BACH2: variants seen among roughly 807,000 people sequenced by gnomAD.
The protein encoded by BACH2 is BACH transcriptional regulator 2.
BACH2 carries 5 observed loss-of-function variants against 61.8 expected under a neutral mutation model. That is an observed-to-expected ratio of 0.08 (90% CI 0.04 to 0.17). BACH2 has a LOEUF of 0.17. Ranked by LOEUF, BACH2 falls within the 10% of genes least tolerant of loss-of-function variation. The probability of loss-of-function intolerance (pLI) is 1.00; values close to 1 mark genes in which losing one functional copy is unlikely to be tolerated. For missense variants in BACH2, 824 were observed against 1,091.1 expected (o/e 0.76, Z 3.45); for synonymous variants, 446 against 440.1 (o/e 1.01, Z -0.17).
chr6:90,115,814 A>G (rs944642171), intron 4 of BACH2, among the ~76,000 whole-genome samples: 5 of 152,218 alleles, frequency 3.3e-5, no homozygotes, highest in African/African-American at 1.2e-4. Context: ...GAACTTAAAC[A>G]AATTTACAAG....
intron 5 of BACH2, among the ~76,000 whole-genome samples, chr6:90,025,865 G>C (rs1778609052): frequency 6.6e-6 from 1 of 152,206 alleles, no homozygotes; most frequent in African/African-American, 2.4e-5. Context: ...TCATTACAGA[G>C]AAATGACATG....
intron 4 of BACH2, among the ~76,000 whole-genome samples, chr6:90,120,467 A>T (rs1164026266): frequency 6.6e-6 from 1 of 152,264 alleles, no homozygotes; most frequent in Non-Finnish European, 1.5e-5. Context: ...CCTAGTTCAC[A>T]AACATCTTCA....
intron 6 of BACH2, among the ~76,000 whole-genome samples, chr6:89,998,070 A>T (rs1238353250): frequency 6.6e-6 from 1 of 152,214 alleles, no homozygotes; most frequent in Non-Finnish European, 1.5e-5. Context: ...TGAAATAGGT[A>T]TTTCTTCAAC....
At chr6:90,186,547 G>T (rs1768362763) in intron 4 of BACH2, among the ~76,000 whole-genome samples, 1 of 152,130 alleles carries the variant, frequency 6.6e-6, no homozygotes, top group African/African-American at 2.4e-5. Context: ...TTAAAACACG[G>T]TGTTATCAAA....
chr6:90,085,488 T>A (rs1026073653), intron 5 of BACH2, among the ~76,000 whole-genome samples: 2 of 152,206 alleles, frequency 1.3e-5, no homozygotes, highest in African/African-American at 4.8e-5. Flanking sequence ...TGGCTCACGC[T>A]TTCCTTCGCC....
chr6:89,933,760 C>T (rs1050896491), intron 8 of BACH2, among the ~76,000 whole-genome samples: 14 of 152,212 alleles, frequency 9.2e-5, no homozygotes, highest in Admixed American at 1.3e-4. Context: ...CCAAGTTGTG[C>T]GGATCGCTTG....
At chr6:89,990,252 G>C (rs1776470378) in intron 6 of BACH2, among the ~76,000 whole-genome samples, 1 of 152,180 alleles carries the variant, frequency 6.6e-6, no homozygotes, top group East Asian at 1.9e-4. Flanking sequence ...ATTTTCATTG[G>C]AGCTGATTGA....
chr6:90,021,468 C>A (rs1487583758), intron 5 of BACH2, among the ~76,000 whole-genome samples: 1 of 152,082 alleles, frequency 6.6e-6, no homozygotes, highest in Non-Finnish European at 1.5e-5. Context: ...AAATTATAAA[C>A]CATTTCACTT....
intron 2 of BACH2, among the ~76,000 whole-genome samples, chr6:90,260,199 C>T (rs1771112777): frequency 6.6e-6 from 1 of 152,132 alleles, no homozygotes; most frequent in Admixed American, 6.5e-5. Context: ...ATAAACTTTC[C>T]TCTCAGAACT....
chr6:90,250,810 C>T (rs995119870), intron 3 of BACH2, among the ~76,000 whole-genome samples: 19 of 152,004 alleles, frequency 1.2e-4, no homozygotes, highest in Non-Finnish European at 2.5e-4. Flanking sequence ...GTTCATTTAA[C>T]CAAAAATTTT....
At chr6:90,084,351 T>A (rs753160058) in intron 5 of BACH2, among the ~76,000 whole-genome samples, 54 of 152,098 alleles carry the variant, frequency 3.6e-4, no homozygotes, top group South Asian at 6.2e-4. Flanking sequence ...GGAAAATGTG[T>A]CAGTGTGTCT....
At chr6:90,221,724 G>T (rs1410150432) in intron 3 of BACH2, among the ~76,000 whole-genome samples, 1 of 152,088 alleles carries the variant, frequency 6.6e-6, no homozygotes, top group Non-Finnish European at 1.5e-5. Context: ...CTAAAAGTGT[G>T]AGCAGGATTT....
chr6:90,264,758 G>A (rs530057618), intron 2 of BACH2, among the ~76,000 whole-genome samples: 5 of 152,040 alleles, frequency 3.3e-5, no homozygotes, highest in South Asian at 2.1e-4. Context: ...GGGTTTCCTC[G>A]TCTTTCCCTC....
chr6:90,152,112 G>A (rs1784830515), intron 4 of BACH2, among the ~76,000 whole-genome samples: 1 of 152,158 alleles, frequency 6.6e-6, no homozygotes, highest in Non-Finnish European at 1.5e-5. Flanking sequence ...AGCTTCAAAT[G>A]GCTTTAGAAT....
At chr6:89,990,863 G>A (rs770474350) in intron 6 of BACH2, among the ~76,000 whole-genome samples, 1 of 152,114 alleles carries the variant, frequency 6.6e-6, no homozygotes, top group East Asian at 1.9e-4. Flanking sequence ...TGCCTGTTTT[G>A]TATCCCTAGT....
At chr6:90,024,352 T>A (rs1277579756) in intron 5 of BACH2, among the ~76,000 whole-genome samples, 3 of 152,126 alleles carry the variant, frequency 2.0e-5, no homozygotes, top group African/African-American at 7.2e-5. Flanking sequence ...TCTAACCAAT[T>A]CCAAGTTGTA....
At chr6:90,034,613 A>G (rs1288943917) in intron 5 of BACH2, among the ~76,000 whole-genome samples, 1 of 152,186 alleles carries the variant, frequency 6.6e-6, no homozygotes, top group East Asian at 1.9e-4. Context: ...TCAGCAATAA[A>G]GTATCAGGAA....
At chr6:89,973,661 A>G (rs927514228) in intron 6 of BACH2, among the ~76,000 whole-genome samples, 1 of 152,016 alleles carries the variant, frequency 6.6e-6, no homozygotes, top group Non-Finnish European at 1.5e-5. Context: ...GGATAAGGAC[A>G]TGGGTATCTT....
intron 1 of BACH2, among the ~76,000 whole-genome samples, chr6:90,276,742 T>C (rs370238178): frequency 7.2e-5 from 11 of 152,236 alleles, no homozygotes; most frequent in African/African-American, 2.6e-4. Flanking sequence ...GTAAATACAC[T>C]CCCCAGTTAT....
Sources: gnomAD v4.1 joint callset for allele counts (sites outside exome capture counted in the v4.1 genomes callset) on GRCh38, gnomAD v4.1.1 for gene constraint, MANE v1.5 for transcripts, NCBI Gene and HGNC (gene_info 2026-07-23, HGNC 2026-07-21) for gene names.